GPR89B: variants seen among roughly 807,000 people sequenced by gnomAD.
GPR89B encodes the protein G protein-coupled receptor 89B.
Under a neutral mutation model 52.4 loss-of-function variants are expected in GPR89B, and 25 were observed. That is an observed-to-expected ratio of 0.48 (90% CI 0.35 to 0.67). The LOEUF is 0.67. Among genes scored for constraint, GPR89B ranks in the 30% least tolerant of loss-of-function variants. The pLI is 0.01. For missense variants in GPR89B, 146 were observed against 450.2 expected, an observed-to-expected ratio of 0.32 and a Z score of 6.11; for synonymous variants, 52 against 151.2, an observed-to-expected ratio of 0.34 and a Z score of 4.81.
the GPR89B span, among the ~76,000 whole-genome samples, chr1:148,002,076 T>C: frequency 2.0e-5 from 3 of 151,312 alleles, no homozygotes; most frequent in African/African-American, 7.3e-5. Flanking sequence ...CTGTTTCACT[T>C]TTCCAGCTAG....
rs781810546 is a variant in GPR89B at position 147,928,528 on chromosome 1, C to T, written c.-9C>T. ...GAAGTGGAGGCAGGAGCCTTCCTTA[C>T]ACTTCGCCATGAGTTTCCTGATCGA... On this transcript the variant is annotated 5_prime_UTR_variant, in exon 1 of 14. Coordinates refer to ENST00000314163, the MANE Select transcript of GPR89B (RefSeq NM_016334.5). 3 of 1,613,928 alleles carry T rather than the reference C, an allele frequency of 1.9e-6. No homozygotes were observed. Among genetic ancestry groups the T allele is most frequent in the Non-Finnish European group, 2.5e-6 (3 of 1,179,814 alleles).
intron 12 of GPR89B, among the ~76,000 whole-genome samples, chr1:147,991,031 C>A (rs1418065720): frequency 6.6e-6 from 1 of 150,618 alleles, no homozygotes; most frequent in Non-Finnish European, 1.5e-5. Context: ...CTATAAATTA[C>A]CTTGGGCAGT....
At chr1:147,975,009 C>A in intron 10 of GPR89B, among the ~76,000 whole-genome samples, 1 of 151,718 alleles carries the variant, frequency 6.6e-6, no homozygotes, top group Non-Finnish European at 1.5e-5. Context: ...TGTTGCATAC[C>A]GGGGATGAAG....
At chr1:147,982,598 C>T (rs1415811184) in intron 10 of GPR89B, among the ~76,000 whole-genome samples, 17 of 130,878 alleles carry the variant, frequency 1.3e-4, no homozygotes, top group Admixed American at 3.3e-4. Context: ...TCCAGCTTTG[C>T]TCTTTTGGCT....
chr1:148,010,107 G>A, the GPR89B span: 1 of 154,566 alleles, frequency 6.5e-6, no homozygotes, highest in Admixed American at 6.3e-5. Flanking sequence ...CAGGGGGGAT[G>A]GGGGTGGGAA....
At chr1:147,978,366 G>C (rs1327342897) in intron 10 of GPR89B, among the ~76,000 whole-genome samples, 1 of 151,852 alleles carries the variant, frequency 6.6e-6, no homozygotes, top group Admixed American at 6.5e-5. Flanking sequence ...TGCTTGCTCC[G>C]TCCTCTGGGA....
At position 147,938,708 on chromosome 1, in the gene GPR89B, T is replaced by C; in HGVS notation, c.103-6T>C. ...TAACTTCTAGTCTCTGTTTGGCTTT[T>C]AACAGATACGTCAGTATGTTGTACA... On this transcript the variant is annotated splice_polypyrimidine_tract_variant and splice_region_variant and intron_variant, in intron 2 of 13. Transcript: ENST00000314163. 1 of 1,558,722 alleles carries C rather than the reference T, an allele frequency of 6.4e-7. No individual in the cohort carries two copies. Among genetic ancestry groups the C allele is most frequent in the Admixed American group, 1.9e-5 (1 of 52,812 alleles).
chr1:147,973,111 C>T (rs1437426443), intron 10 of GPR89B, among the ~76,000 whole-genome samples: 1 of 151,850 alleles, frequency 6.6e-6, no homozygotes, highest in African/African-American at 2.4e-5. Context: ...AATAGTGCTG[C>T]AGTGGGCGTA....
At chr1:147,931,176 G>C (rs1329341645) in intron 1 of GPR89B, among the ~76,000 whole-genome samples, 5 of 151,862 alleles carry the variant, frequency 3.3e-5, no homozygotes, top group Non-Finnish European at 7.4e-5. Flanking sequence ...TGATTAAAAG[G>C]GTGAATAAAT....
chr1:147,990,642 G>A (rs1254820677), intron 12 of GPR89B, among the ~76,000 whole-genome samples: 1 of 152,090 alleles, frequency 6.6e-6, no homozygotes, highest in African/African-American at 2.4e-5. Flanking sequence ...GTAAGGAAGG[G>A]ATCCAGTTTC....
At chr1:147,946,470 C>T (rs1163053985) in intron 5 of GPR89B, among the ~76,000 whole-genome samples, 2 of 152,162 alleles carry the variant, frequency 1.3e-5, no homozygotes, top group Admixed American at 1.3e-4. Context: ...CAATGGTCAA[C>T]GAAGGGAACG....
intron 7 of GPR89B, among the ~76,000 whole-genome samples, chr1:147,960,329 A>G (rs1342845011): frequency 2.2e-4 from 33 of 149,750 alleles, no homozygotes; most frequent in Non-Finnish European, 4.5e-4. Context: ...TACTAACTCC[A>G]AGTGGATCCA....
At chr1:147,969,672 A>T in intron 9 of GPR89B, 195 bp from the exon 10 acceptor site, 1 of 583,656 alleles carries the variant, frequency 1.7e-6, no homozygotes, top group Non-Finnish European at 3.1e-6. Flanking sequence ...TGCATGTAAG[A>T]TGTTTATCCC....
chr1:147,963,706 A>G (rs1442985831), intron 7 of GPR89B, among the ~76,000 whole-genome samples: 3 of 152,060 alleles, frequency 2.0e-5, no homozygotes, highest in Admixed American at 1.3e-4. Flanking sequence ...TACTAATAAG[A>G]ATGCAGAGCA....
chr1:148,006,826 T>C, the GPR89B span, among the ~76,000 whole-genome samples: 12 of 151,774 alleles, frequency 7.9e-5, no homozygotes, highest in South Asian at 2.1e-4. Flanking sequence ...AAGCGATTCT[T>C]CTGCCTCAGC....
chr1:147,962,245 G>A (rs1326148954), intron 7 of GPR89B, among the ~76,000 whole-genome samples: 27 of 150,556 alleles, frequency 1.8e-4, no homozygotes, highest in Admixed American at 1.1e-3. Context: ...CCAATATGGC[G>A]AAACCCCGTC....
intron 5 of GPR89B, among the ~76,000 whole-genome samples, chr1:147,946,218 T>C (rs1358436499): frequency 6.6e-6 from 1 of 152,138 alleles, no homozygotes; most frequent in African/African-American, 2.4e-5. Flanking sequence ...TAAAATTTCA[T>C]GTTTCCTTTT....
the GPR89B span, among the ~76,000 whole-genome samples, chr1:148,013,744 A>T: frequency 6.6e-6 from 1 of 151,958 alleles, no homozygotes; most frequent in African/African-American, 2.4e-5. Flanking sequence ...CTCCTGCCTC[A>T]GGGTCTCTGT....
intron 5 of GPR89B, among the ~76,000 whole-genome samples, chr1:147,949,052 T>C (rs587603873): frequency 6.6e-6 from 1 of 152,208 alleles, no homozygotes; most frequent in East Asian, 1.9e-4. Flanking sequence ...ACACAGCACA[T>C]GTTTCAGAGA....
Sources: allele counts gnomAD v4.1 joint callset (sites outside exome capture counted in the v4.1 genomes callset), GRCh38; gene constraint gnomAD v4.1.1; transcripts MANE v1.5; gene names NCBI Gene and HGNC (gene_info 2026-07-23, HGNC 2026-07-21).